DNTTIP1: variants seen among roughly 807,000 people sequenced by gnomAD.
The protein encoded by DNTTIP1 is deoxynucleotidyltransferase terminal interacting protein 1.
DNTTIP1 carries 22 observed loss-of-function variants against 52.9 expected under a neutral mutation model. The ratio of observed to expected loss-of-function variants is 0.42; its 90% confidence interval spans 0.30 to 0.59. The LOEUF (loss-of-function observed/expected upper bound fraction) is 0.59, where lower values mean the gene tolerates loss of function less well. DNTTIP1 is among the 20% of genes least tolerant of loss of function. The pLI is 0.22. For missense variants in DNTTIP1, 286 were observed against 435.5 expected (o/e 0.66, Z 3.06); for synonymous variants, 136 against 155.1 (o/e 0.88, Z 0.92).
intron 4 of DNTTIP1, among the ~76,000 whole-genome samples, chr20:45,800,687 AAAAAAAAATATATATATAT>A (rs1981403049): frequency 1.7e-5 from 1 of 59,834 alleles, no homozygotes; most frequent in African/African-American, 8.8e-5. Flanking sequence ...TTTAAAAAAA[AAAAAAAAATATATATATAT>A]ATATATATAT....
At chr20:45,804,453 A>T (rs904237692) in intron 8 of DNTTIP1, among the ~76,000 whole-genome samples, 5 of 152,152 alleles carry the variant, frequency 3.3e-5, no homozygotes, top group African/African-American at 1.2e-4. Context: ...TGCCCCTTCA[A>T]ATCCATTATC....
chr20:45,803,423 G>C (rs1981537581), intron 8 of DNTTIP1, 45 bp downstream of exon 8: 1 of 1,610,438 alleles, frequency 6.2e-7, no homozygotes. Flanking sequence ...CCAGGAGATA[G>C]TCCCACTATC....
rs1022068263 is a variant in DNTTIP1 at position 45,809,985 on chromosome 20, G to A, written c.795+800G>A. On this transcript the variant is annotated intron_variant, in intron 11 of 12. Coordinates refer to ENST00000372622, the MANE Select transcript of DNTTIP1 (RefSeq NM_052951.3). This position sits in a 1 kb window ranked among gnomAD's most constrained non-coding sequence, Gnocchi z 4.2. ...TAAGAAATAGATGGTAGGGGGTGGG[G>A]GCAGGACCTAAAATTAAGCCACCAG... Among the ~76,000 whole-genome samples, 2 of 151,960 alleles carry A rather than the reference G, an allele frequency of 1.3e-5. No homozygotes were observed. Among genetic ancestry groups the A allele is most frequent in the African/African-American group, 4.8e-5 (2 of 41,350 alleles).
At chr20:45,800,686 AAAAAAAAAATATATATAT>A in intron 4 of DNTTIP1, among the ~76,000 whole-genome samples, 1 of 57,642 alleles carries the variant, frequency 1.7e-5, no homozygotes, top group African/African-American at 9.2e-5. Flanking sequence ...ATTTAAAAAA[AAAAAAAAAATATATATAT>A]ATATATATAT....
At chr20:45,803,484 A>C (rs1601030023) in intron 8 of DNTTIP1, 106 bp downstream of exon 8, 1 of 1,239,512 alleles carries the variant, frequency 8.1e-7, no homozygotes. Flanking sequence ...GTGCATGCAC[A>C]CCATTCCAGA....
At position 45,801,415 on chromosome 20, in the gene DNTTIP1, CAGA is replaced by C; in HGVS notation, c.463_465del (p.Glu155del). The C allele has an allele frequency of 1.2e-6, 2 of 1,614,164 alleles. No individual in the cohort carries two copies. The highest frequency in any genetic ancestry group is 1.7e-6 in the Non-Finnish European group (2 of 1,180,022). On this transcript the variant is annotated inframe_deletion, in exon 6 of 13. Transcript: ENST00000372622. ...CTTTTCTTTTAGCGTGGCCGTCAGG[CAGA>C]AGAAGAATGTGCCCATCGAGGAAGC... is the stretch of plus-strand genomic sequence containing the variant.
intron 3 of DNTTIP1, among the ~76,000 whole-genome samples, chr20:45,794,958 C>G (rs936048613): frequency 6.6e-6 from 1 of 152,028 alleles, no homozygotes; most frequent in Non-Finnish European, 1.5e-5. Flanking sequence ...GCCACCACGC[C>G]CAGCTAATTT....
chr20:45,802,218 G>A (rs1319559841), intron 7 of DNTTIP1, among the ~76,000 whole-genome samples, 161 bp downstream of exon 7: 1 of 152,126 alleles, frequency 6.6e-6, no homozygotes, highest in Non-Finnish European at 1.5e-5. Flanking sequence ...AGGAAGGAGG[G>A]TAGTGAGGAG....
At chr20:45,796,641 C>G in intron 4 of DNTTIP1, 1 of 451,564 alleles carries the variant, frequency 2.2e-6, no homozygotes, top group South Asian at 1.6e-5. Flanking sequence ...TTGTTGCCAT[C>G]ACCATTTTAT....
intron 3 of DNTTIP1, among the ~76,000 whole-genome samples, chr20:45,794,596 A>G (rs73306460): frequency 0.012 from 1,806 of 151,848 alleles, 31 homozygotes; most frequent in African/African-American, 0.041. Flanking sequence ...TACTGTGCTG[A>G]GCACTGTGCT....
chr20:45,806,757 T>C (rs1981663727), intron 10 of DNTTIP1, among the ~76,000 whole-genome samples: 1 of 152,254 alleles, frequency 6.6e-6, no homozygotes, highest in South Asian at 2.1e-4. Context: ...TTAAACAGTT[T>C]GCCCAGTGGC....
At chr20:45,792,615 C>A in intron 1 of DNTTIP1, 62 bp from the exon 2 acceptor site, 1 of 1,347,380 alleles carries the variant, frequency 7.4e-7, no homozygotes, top group Non-Finnish European at 1.0e-6. Flanking sequence ...TACCCACCCT[C>A]CACCTCCACC....
At chr20:45,805,002 A>ATTG in intron 8 of DNTTIP1, 144 bp from the exon 9 acceptor site, 2 of 756,584 alleles carry the variant, frequency 2.6e-6, no homozygotes, top group Admixed American at 3.8e-5. Flanking sequence ...GGCCTAGCAT[A>ATTG]TTGTGAGTAC....
intron 7 of DNTTIP1, 40 bp downstream of exon 7, chr20:45,802,097 C>A (rs1981493695): frequency 3.7e-6 from 6 of 1,607,690 alleles, no homozygotes; most frequent in African/African-American, 1.3e-5. Context: ...CATAGGGGAG[C>A]AGACGGAGAG....
At chr20:45,797,594 C>T (rs1294707694) in intron 4 of DNTTIP1, among the ~76,000 whole-genome samples, 3 of 152,096 alleles carry the variant, frequency 2.0e-5, no homozygotes, top group African/African-American at 7.2e-5. Context: ...TGACAAAGGG[C>T]TAATACCCAG....
chr20:45,792,629 C>A, intron 1 of DNTTIP1, 48 bp from the exon 2 acceptor site: 1 of 1,480,518 alleles, frequency 6.8e-7, no homozygotes, highest in South Asian at 1.3e-5. Context: ...CTCCACCCCA[C>A]CCCAGTGTCA....
chr20:45,809,665 G>A lies in DNTTIP1; in HGVS notation c.795+480G>A, dbSNP rs554842675. 1.2e-3 allele frequency among the ~76,000 whole-genome samples: 177 copies of A among 152,350 alleles called. 1 individual carries two copies. In the Middle Eastern group the frequency reaches 0.014, roughly 12 times the overall value. ...TTCCAGATTTACCTCTACTTGAAGAGTTCTCAGATCATATGAAACAGCAAC... is the reference window on the plus strand; with the variant it reads ...TTCCAGATTTACCTCTACTTGAAGAATTCTCAGATCATATGAAACAGCAAC... On this transcript the variant is annotated intron_variant, in intron 11 of 12. Coordinates refer to ENST00000372622, the MANE Select transcript of DNTTIP1 (RefSeq NM_052951.3). The surrounding 1 kb of genome is among the most constrained non-coding windows in gnomAD (Gnocchi z 4.2).
At chr20:45,796,884 C>T (rs1322651844) in intron 4 of DNTTIP1, among the ~76,000 whole-genome samples, 1 of 152,150 alleles carries the variant, frequency 6.6e-6, no homozygotes, top group Non-Finnish European at 1.5e-5. Flanking sequence ...TGGAATGCTC[C>T]TCTGTTGGCT....
At chr20:45,810,105 C>T (rs1221211469) in intron 11 of DNTTIP1, among the ~76,000 whole-genome samples, 3 of 152,068 alleles carry the variant, frequency 2.0e-5, no homozygotes, top group African/African-American at 7.2e-5. Flanking sequence ...CAGCTGTAGG[C>T]CCCACTCATG....
Sources: allele counts gnomAD v4.1 joint callset (sites outside exome capture counted in the v4.1 genomes callset), GRCh38; gene constraint gnomAD v4.1.1; non-coding constraint Gnocchi (gnomAD v3.1); transcripts MANE v1.5; gene names NCBI Gene and HGNC (gene_info 2026-07-23, HGNC 2026-07-21).